GABRR1: variants seen among roughly 807,000 people sequenced by gnomAD.
GABRR1 encodes gamma-aminobutyric acid receptor subunit rho-1.
A neutral mutation model predicts 55.5 loss-of-function variants in GABRR1; 59 were observed. The ratio of observed to expected loss-of-function variants is 1.06; its 90% CI spans 0.86 to 1.32. GABRR1 has a LOEUF of 1.32. GABRR1 is among the 40% of genes most tolerant of loss of function. The probability of loss-of-function intolerance (pLI) is 0.00; values close to 1 mark genes in which losing one functional copy is unlikely to be tolerated. For synonymous variants in GABRR1, 213 were observed against 226.0 expected, an observed-to-expected ratio of 0.94 and a Z score of 0.51; for missense variants, 602 against 619.1, an observed-to-expected ratio of 0.97 and a Z score of 0.29.
chr6:89,200,123 T>C (rs1483385786), intron 3 of GABRR1, among the ~76,000 whole-genome samples: 1 of 152,140 alleles, frequency 6.6e-6, no homozygotes, highest in Non-Finnish European at 1.5e-5. Context: ...AAAGGTGGGT[T>C]TGGATTCAAC....
chr6:89,194,376 G>T (rs1772195876), intron 5 of GABRR1, among the ~76,000 whole-genome samples: 1 of 152,160 alleles, frequency 6.6e-6, no homozygotes, highest in Non-Finnish European at 1.5e-5. Context: ...GAGCTGAAAA[G>T]GAGGCAGCAA....
At position 89,185,332 on chromosome 6, in the gene GABRR1, T is replaced by A. The variant is rs1414747483; in HGVS notation, c.774A>T (p.Lys258Asn). 4.3e-6 allele frequency: 7 copies of A among 1,613,860 alleles called. No individual in the cohort carries two copies. The highest frequency in any genetic ancestry group is 5.9e-6 in the Non-Finnish European group (7 of 1,179,824). The change falls in exon 7 of 10, where the codon AAA becomes AAT. Residue 258 changes from lysine to asparagine, a missense_variant. Lys to Asn is a moderately conservative substitution (Grantham distance 94). Coordinates refer to ENST00000454853, the MANE Select transcript of GABRR1 (RefSeq NM_002042.5). ...TACCTGTGCTGCTGTAGAAAGCCAGTTTGGTGGTGGTGTGGAATTCCTGAA... is the reference window on the plus strand; with the variant it reads ...TACCTGTGCTGCTGTAGAAAGCCAGATTGGTGGTGGTGTGGAATTCCTGAA... ...FLIQEFHTTT[K>N]LAFYSSTGWY...
chr6:89,208,001 T>C (rs1298791806), intron 1 of GABRR1, among the ~76,000 whole-genome samples: 4 of 152,282 alleles, frequency 2.6e-5, no homozygotes, highest in South Asian at 4.1e-4. Flanking sequence ...GATTAGGCAA[T>C]GAGATGGCTT....
chr6:89,203,026 T>C (rs868409205), intron 2 of GABRR1, among the ~76,000 whole-genome samples: 2 of 152,172 alleles, frequency 1.3e-5, no homozygotes, highest in South Asian at 4.1e-4. Flanking sequence ...GAAGTACTTC[T>C]CAAACTAGAA....
intron 1 of GABRR1, among the ~76,000 whole-genome samples, chr6:89,209,841 A>T (rs995774948): frequency 6.6e-6 from 1 of 152,206 alleles, no homozygotes; most frequent in African/African-American, 2.4e-5. Context: ...TCAGTTTCCT[A>T]TAAGATGGGG....
chr6:89,178,710 T>C lies in GABRR1; in HGVS notation c.*60A>G, dbSNP rs1771614385. ...ACCATATCCTTAAATACTTTTTCAT[T>C]ATACAGTTATTTCTGTAGTGCATGC... On this transcript the variant is annotated 3_prime_UTR_variant, in exon 10 of 10. Coordinates refer to ENST00000454853, the MANE Select transcript of GABRR1 (RefSeq NM_002042.5). The C allele has an allele frequency of 1.4e-6, 2 of 1,434,124 alleles. No individual in the cohort carries two copies. The highest frequency in any genetic ancestry group is 1.9e-6 in the Non-Finnish European group (2 of 1,029,538). 88.8% of individuals were successfully genotyped at this position (1,434,124 alleles called of 1,614,324 possible). A position where few individuals can be genotyped will look rare whatever the true frequency, so the allele number is the denominator to read the frequency against.
intron 1 of GABRR1, among the ~76,000 whole-genome samples, chr6:89,224,856 T>A (rs528570927): frequency 7.4e-4 from 112 of 152,102 alleles, no homozygotes; most frequent in Middle Eastern, 3.4e-3. Flanking sequence ...GATCTTGGCT[T>A]ACTGCAACCT....
Position 89,178,964 on chromosome 6 carries a change from T to C in GABRR1, c.1246A>G (p.Asn416Asp). Residue 416 changes from asparagine (N) to aspartate (D), a missense_variant, in exon 10 of 10, where the codon AAT (asparagine) becomes GAT (aspartate). By Grantham distance (23) the Asn-to-Asp change is conservative. Coordinates refer to ENST00000454853, the MANE Select transcript of GABRR1 (RefSeq NM_002042.5). ...ATCATCCTGTCGGGCTTCTCTCCAT[T>C]CTCTGGCATGTAGTTGTCCAGGTCA... ...VNDLDNYMPE[N>D]GEKPDRMMVQ... is the part of the protein sequence containing the mutation. The C allele has an allele frequency of 6.2e-7, 1 of 1,614,112 alleles. No individual in the cohort carries two copies. Among genetic ancestry groups the C allele is most frequent in the East Asian group, 2.2e-5 (1 of 44,882 alleles).
At chr6:89,196,495 GT>G (rs1257914470) in intron 5 of GABRR1, among the ~76,000 whole-genome samples, 2 of 152,154 alleles carry the variant, frequency 1.3e-5, no homozygotes, top group Non-Finnish European at 2.9e-5. Context: ...AGTGGGCCAG[GT>G]GTGGTGGCTC....
intron 3 of GABRR1, 59 bp from the exon 4 acceptor site, chr6:89,199,488 G>T: frequency 6.6e-7 from 1 of 1,517,948 alleles, no homozygotes; most frequent in Non-Finnish European, 9.1e-7. Flanking sequence ...TACTATGGAG[G>T]AAATAGGCAA....
At position 89,190,199 on chromosome 6, in the gene GABRR1, C is replaced by G; in HGVS notation, c.621G>C (p.Leu207Phe). The change falls in exon 6 of 10, where the codon TTG becomes TTC. Residue 207 changes from leucine (L) to phenylalanine (F), a missense_variant. By Grantham distance (22) the Leu-to-Phe change is conservative. Coordinates refer to ENST00000454853, the MANE Select transcript of GABRR1 (RefSeq NM_002042.5). ...TTTCAAGAGAGCACGTTTGTGTGTC[C>G]AAGGGAAATCGGCTGAAGTCCATGT... ...MCNMDFSRFP[L>F]DTQTCSLEIE... The G allele has an allele frequency of 6.2e-7, 1 of 1,611,352 alleles. No individual in the cohort carries two copies. The highest frequency in any genetic ancestry group is 8.5e-7 in the Non-Finnish European group (1 of 1,178,760).
intron 1 of GABRR1, among the ~76,000 whole-genome samples, chr6:89,224,589 AGATTGT>A (rs1160493869): frequency 3.9e-5 from 6 of 152,110 alleles, no homozygotes; most frequent in African/African-American, 1.4e-4. Flanking sequence ...CCTGATGTAT[AGATTGT>A]GAAGATTTTC....
intron 5 of GABRR1, among the ~76,000 whole-genome samples, chr6:89,193,214 C>T (rs1191019672): frequency 6.6e-6 from 1 of 152,216 alleles, no homozygotes; most frequent in Non-Finnish European, 1.5e-5. Context: ...TACAACTCCA[C>T]AGGCCACCGT....
chr6:89,208,979 G>A (rs1045748897), intron 1 of GABRR1, among the ~76,000 whole-genome samples: 1 of 152,208 alleles, frequency 6.6e-6, no homozygotes, highest in Non-Finnish European at 1.5e-5. Flanking sequence ...TGATCAAGCT[G>A]TCTTCTTGCC....
chr6:89,224,989 G>T (rs925053830), intron 1 of GABRR1, among the ~76,000 whole-genome samples: 2 of 152,102 alleles, frequency 1.3e-5, no homozygotes, highest in African/African-American at 2.4e-5. Context: ...CACCATGTCG[G>T]CCAGGCTAGT....
At chr6:89,211,391 C>A (rs970643457) in intron 1 of GABRR1, among the ~76,000 whole-genome samples, 1 of 152,148 alleles carries the variant, frequency 6.6e-6, no homozygotes, top group Non-Finnish European at 1.5e-5. Context: ...CTTCCTCTCT[C>A]GCCTTCATCC....
At chr6:89,189,529 G>A (rs1772019951) in intron 6 of GABRR1, among the ~76,000 whole-genome samples, 2 of 109,158 alleles carry the variant, frequency 1.8e-5, no homozygotes, top group South Asian at 8.1e-4. Flanking sequence ...GGGGAGGGGG[G>A]AGGGATAGCA....
At chr6:89,212,502 C>T (rs1469260041) in intron 1 of GABRR1, among the ~76,000 whole-genome samples, 1 of 152,150 alleles carries the variant, frequency 6.6e-6, no homozygotes, top group Non-Finnish European at 1.5e-5. Context: ...TTTAGCACGA[C>T]AAAGAATGCA....
chr6:89,201,022 C>A, intron 3 of GABRR1, 137 bp downstream of exon 3: 1 of 666,826 alleles, frequency 1.5e-6, no homozygotes, highest in Non-Finnish European at 2.7e-6. Flanking sequence ...ACTGTGGGCT[C>A]GATGTCTTGT....
Sources: gnomAD v4.1 joint callset for allele counts (sites outside exome capture counted in the v4.1 genomes callset) on GRCh38, gnomAD v4.1.1 for gene constraint, MANE v1.5 for transcripts, NCBI Gene and HGNC (gene_info 2026-07-23, HGNC 2026-07-21) for gene names.